The following WDR41 variants were observed in gnomAD, a reference collection of about 807,000 sequenced individuals.
WDR41 encodes the protein WD repeat-containing protein 41.
Under a neutral mutation model 69.3 loss-of-function variants are expected in WDR41, and 63 were observed. That is an observed-to-expected ratio of 0.91 (90% CI 0.74 to 1.12). The LOEUF (loss-of-function observed/expected upper bound fraction) is 1.12, where lower values mean the gene tolerates loss of function less well. Ranked by LOEUF, WDR41 falls within the 50% of genes most tolerant of loss-of-function variation. The probability of loss-of-function intolerance (pLI) is 0.00; values close to 1 mark genes in which losing one functional copy is unlikely to be tolerated. For missense variants in WDR41, 543 were observed against 534.5 expected, an observed-to-expected ratio of 1.02 and a Z score of -0.16; for synonymous variants, 185 against 192.1, an observed-to-expected ratio of 0.96 and a Z score of 0.31.
intron 1 of WDR41, among the ~76,000 whole-genome samples, chr5:77,506,974 A>G: frequency 6.6e-6 from 1 of 152,184 alleles, no homozygotes; most frequent in South Asian, 2.1e-4. Flanking sequence ...AACATGGCAC[A>G]TGTATACCTG....
chr5:77,469,902 C>A (rs951282696), intron 2 of WDR41, among the ~76,000 whole-genome samples: 2 of 152,064 alleles, frequency 1.3e-5, no homozygotes, highest in African/African-American at 4.8e-5. Flanking sequence ...GGCAGGCCAA[C>A]ATTCAGATTC....
intron 1 of WDR41, among the ~76,000 whole-genome samples, chr5:77,505,054 G>A (rs1581777353): frequency 2.0e-5 from 3 of 152,182 alleles, no homozygotes; most frequent in African/African-American, 7.2e-5. Flanking sequence ...GAAATAAAGG[G>A]TATTCAATTA....
At chr5:77,472,900 CA>C (rs1300228219) in intron 2 of WDR41, among the ~76,000 whole-genome samples, 2 of 152,096 alleles carry the variant, frequency 1.3e-5, no homozygotes, top group African/African-American at 4.8e-5. Context: ...TGACTTTCTT[CA>C]CAGAATTGGA....
At chr5:77,463,583 T>G (rs1800164345) in intron 3 of WDR41, among the ~76,000 whole-genome samples, 1 of 152,154 alleles carries the variant, frequency 6.6e-6, no homozygotes, top group South Asian at 2.1e-4. Flanking sequence ...TATTTGTTAT[T>G]TAAGTCTCCA....
At chr5:77,440,417 A>C (rs461009) in intron 9 of WDR41, among the ~76,000 whole-genome samples, 21,327 of 152,092 alleles carry the variant, frequency 0.14, 2,121 homozygotes, top group African/African-American at 0.25. Flanking sequence ...ATCTTGCCCC[A>C]AGATGCCAGC....
chr5:77,479,021 A>T (rs1277583413), intron 2 of WDR41, among the ~76,000 whole-genome samples: 41 of 151,992 alleles, frequency 2.7e-4, no homozygotes, highest in Middle Eastern at 3.2e-3. Context: ...AAGCATTCTT[A>T]TACACCAACA....
chr5:77,599,465 G>T lies in WDR41; in HGVS notation c.42+21014C>A, dbSNP rs181878955. On this transcript the variant is annotated intron_variant, in intron 1 of 5. Coordinates refer to the WDR41 transcript ENST00000509971. ...TCTGCCTGCCTCGGCCTCCCAAAGT[G>T]CTGGGATTACAGGCATGAGTCACCA... 4.7e-3 allele frequency among the ~76,000 whole-genome samples: 721 copies of T among 152,200 alleles called. 5 individuals carry two copies. The highest frequency in any genetic ancestry group is 0.01 in the Middle Eastern group (3 of 294).
At chr5:77,578,427 C>T (rs1302409803) in intron 1 of WDR41, among the ~76,000 whole-genome samples, 1 of 151,994 alleles carries the variant, frequency 6.6e-6, no homozygotes, top group Non-Finnish European at 1.5e-5. Flanking sequence ...TGTCCATTTT[C>T]CAAGTAAAAA....
intron 1 of WDR41, among the ~76,000 whole-genome samples, chr5:77,547,301 C>T (rs1038569493): frequency 6.6e-6 from 1 of 151,970 alleles, no homozygotes; most frequent in Non-Finnish European, 1.5e-5. Context: ...AAATAAAGGG[C>T]ATCCAAATCA....
At chr5:77,530,052 A>G (rs543485214) in intron 1 of WDR41, among the ~76,000 whole-genome samples, 17 of 151,770 alleles carry the variant, frequency 1.1e-4, no homozygotes, top group African/African-American at 4.1e-4. Flanking sequence ...AGCCAGTCAC[A>G]TACAAAATGA....
At chr5:77,451,522 A>C in intron 6 of WDR41, 169 bp from the exon 7 acceptor site, 1 of 613,412 alleles carries the variant, frequency 1.6e-6, no homozygotes, top group Non-Finnish European at 2.9e-6. Context: ...TGATTGTTAA[A>C]TGTAGGTTTC....
In WDR41 at chr5:77,431,668, AG is replaced by A. The variant is rs1468322844; in HGVS notation, c.*1466del. The A allele has an allele frequency of 6.6e-6, 1 of 152,236 alleles. No homozygotes were observed. Among genetic ancestry groups the A allele is most frequent in the East Asian group, 1.9e-4 (1 of 5,202 alleles). The allele number at this position is 152,236 out of a possible 1,614,324, so 9.4% of individuals were successfully genotyped here. ...ACAAAATACTAGCCTAGAACAGGCT[AG>A]GAAGTAAAACAGTTAAGTCTATGGC... On this transcript the variant is annotated 3_prime_UTR_variant, in exon 13 of 13. Transcript: ENST00000296679.
chr5:77,520,041 C>G (rs1802349817), intron 1 of WDR41, among the ~76,000 whole-genome samples: 1 of 151,994 alleles, frequency 6.6e-6, no homozygotes, highest in African/African-American at 2.4e-5. Flanking sequence ...GGGCACACAG[C>G]CTAACTGGGA....
chr5:77,556,095 C>CT (rs34372647), intron 1 of WDR41, among the ~76,000 whole-genome samples: 7,687 of 57,712 alleles, frequency 0.13, 2,530 homozygotes, highest in African/African-American at 0.3. Flanking sequence ...AAAAGATGGA[C>CT]TTTTTTTTTT....
chr5:77,539,328 T>C lies in WDR41; in HGVS notation c.43-49756A>G, dbSNP rs1025135566. ...TCTTTGTGCTCTGGAATGTCTTCCC[T>C]AATCAAGTTAATCTGCCTTTTTTAT... On this transcript the variant is annotated intron_variant, in intron 1 of 5. Coordinates refer to the WDR41 transcript ENST00000509971. Among the ~76,000 whole-genome samples the C allele has an allele frequency of 2.6e-5, 4 of 152,234 alleles. No homozygotes were observed. In the South Asian group the frequency reaches 6.2e-4, roughly 24 times the overall value.
intron 1 of WDR41, among the ~76,000 whole-genome samples, chr5:77,523,583 A>C (rs915527633): frequency 4.8e-5 from 7 of 147,034 alleles, no homozygotes; most frequent in African/African-American, 1.5e-4. Flanking sequence ...TCAGTGCTTA[A>C]TTTTTTTTTT....
At chr5:77,436,543 T>A (rs1457504456) in intron 11 of WDR41, 149 bp from the exon 12 acceptor site, 5 of 938,624 alleles carry the variant, frequency 5.3e-6, no homozygotes, top group Admixed American at 5.6e-5. Flanking sequence ...TAGGGTTTTG[T>A]GAATATGTTA....
At chr5:77,574,092 G>A (rs1013421093) in intron 1 of WDR41, among the ~76,000 whole-genome samples, 3 of 152,102 alleles carry the variant, frequency 2.0e-5, no homozygotes, top group African/African-American at 7.2e-5. Flanking sequence ...GAGGCCAGGA[G>A]TTCCAGACCA....
rs1801840535 is a variant in WDR41 at position 77,492,279 on chromosome 5, G to C, written c.-59C>G. The stretch of plus-strand genomic sequence containing the variant: ...CCAGTCAGCCCAAACTCCGCCCCAG[G>C]CTCGGCCTCCTCCTTCCTCCCCGGC... On this transcript the variant is annotated 5_prime_UTR_variant, in exon 1 of 13. Coordinates refer to ENST00000296679, the MANE Select transcript of WDR41 (RefSeq NM_018268.4). The C allele has an allele frequency of 3.1e-6, 5 of 1,602,444 alleles. No homozygotes were observed. The highest frequency in any genetic ancestry group is 3.4e-6 in the Non-Finnish European group (4 of 1,174,852).
Sources: allele counts gnomAD v4.1 joint callset (sites outside exome capture counted in the v4.1 genomes callset), GRCh38; gene constraint gnomAD v4.1.1; transcripts MANE v1.5; gene names NCBI Gene and HGNC (gene_info 2026-07-23, HGNC 2026-07-21).